JAK2: variants seen among roughly 807,000 people sequenced by gnomAD.
The protein encoded by JAK2 is tyrosine-protein kinase JAK2.
Under a neutral mutation model 139.3 loss-of-function variants are expected in JAK2, and 86 were observed. The observed-to-expected ratio is 0.62, with a 90% CI of 0.52 to 0.74. JAK2 has a LOEUF of 0.74. Ranked by LOEUF, JAK2 falls within the 30% of genes least tolerant of loss-of-function variation. JAK2 has a pLI of 0.00. For missense variants in JAK2, 1,421 were observed against 1,360.3 expected (o/e 1.04, Z -0.70); for synonymous variants, 490 against 437.7 (o/e 1.12, Z -1.49).
intron 4 of JAK2, chr9:5,041,226 C>G (rs906993901): frequency 4.1e-6 from 6 of 1,468,584 alleles, no homozygotes; most frequent in Admixed American, 1.7e-5. Flanking sequence ...GTGGGGCGCC[C>G]GGGGACCAAG....
chr9:5,095,733 TAATC>T (rs1258894819), intron 22 of JAK2, among the ~76,000 whole-genome samples: 4 of 152,192 alleles, frequency 2.6e-5, no homozygotes, highest in Non-Finnish European at 5.9e-5. Flanking sequence ...GAGGAGGACT[TAATC>T]AAACACAATT....
chr9:5,112,367 C>T (rs979270137), intron 22 of JAK2: 2 of 391,158 alleles, frequency 5.1e-6, no homozygotes, highest in South Asian at 5.8e-5. Flanking sequence ...TGGGCTAGGG[C>T]GAGCAGGCCA....
chr9:5,036,921 A>G (rs1395450946), intron 4 of JAK2, among the ~76,000 whole-genome samples: 1 of 152,248 alleles, frequency 6.6e-6, no homozygotes, highest in Middle Eastern at 3.2e-3. Flanking sequence ...CAGAGTGAAC[A>G]GGCAACCTAC....
In JAK2 at chr9:5,069,216, A is replaced by G; in HGVS notation, c.1513+8A>G. ...GTCCCCCAAAGCCAAAAGGTAAGAT[A>G]ATTTTCTAGTTATTTTTAAATTACT... On this transcript the variant is annotated splice_region_variant and intron_variant, in intron 11 of 24. Coordinates refer to ENST00000381652, the MANE Select transcript of JAK2 (RefSeq NM_004972.4). The G allele has an allele frequency of 1.3e-6, 2 of 1,577,340 alleles. No homozygotes were observed. The highest frequency in any genetic ancestry group is 1.7e-6 in the Non-Finnish European group (2 of 1,156,922).
intron 18 of JAK2, among the ~76,000 whole-genome samples, chr9:5,080,896 T>C (rs952148140): frequency 1.1e-4 from 8 of 74,352 alleles, no homozygotes; most frequent in South Asian, 3.8e-4. Context: ...CCTTTTCTTT[T>C]TTTTTTTTTT....
chr9:5,086,693 T>C (rs937937315), intron 19 of JAK2, among the ~76,000 whole-genome samples: 2 of 152,174 alleles, frequency 1.3e-5, no homozygotes, highest in Non-Finnish European at 2.9e-5. Flanking sequence ...ACTTAGAAAA[T>C]TTCCTACCCT....
chr9:5,034,010 G>C (rs2130198650), intron 4 of JAK2, among the ~76,000 whole-genome samples: 1 of 152,238 alleles, frequency 6.6e-6, no homozygotes, highest in South Asian at 2.1e-4. Flanking sequence ...CACGTGCAGA[G>C]ACACACATAG....
At chr9:5,030,301 GAA>G (rs991532981) in intron 4 of JAK2, among the ~76,000 whole-genome samples, 19 of 152,256 alleles carry the variant, frequency 1.2e-4, no homozygotes, top group African/African-American at 4.1e-4. Flanking sequence ...TTGACGTGAA[GAA>G]AAGAGACTTT....
At chr9:5,115,787 A>C (rs1438267394) in intron 22 of JAK2, among the ~76,000 whole-genome samples, 1 of 152,176 alleles carries the variant, frequency 6.6e-6, no homozygotes, top group African/African-American at 2.4e-5. Context: ...TAGAAACCAT[A>C]ATTCTCAGCA....
At chr9:5,029,995 AC>A in intron 4 of JAK2, 89 bp downstream of exon 4, 1 of 1,134,412 alleles carries the variant, frequency 8.8e-7, no homozygotes, top group South Asian at 1.6e-5. Context: ...GGTACTTAAT[AC>A]CAGATACCTG....
intron 19 of JAK2, 83 bp from the exon 20 acceptor site, chr9:5,089,590 AG>A: frequency 2.0e-6 from 1 of 492,538 alleles, no homozygotes; most frequent in Non-Finnish European, 3.3e-6. Flanking sequence ...TCCAGCTACT[AG>A]AATTTTCTAT....
At chr9:5,099,383 G>C (rs185879363) in intron 22 of JAK2, 1 of 152,084 alleles carries the variant, frequency 6.6e-6, no homozygotes, top group East Asian at 1.9e-4. Context: ...GATTGACGGA[G>C]TCTACACCTC....
intron 5 of JAK2, among the ~76,000 whole-genome samples, chr9:5,045,636 C>G (rs948048195): frequency 1.1e-4 from 16 of 152,128 alleles, no homozygotes; most frequent in Non-Finnish European, 1.0e-4. Flanking sequence ...TCTGCCTTTT[C>G]TATGTACCTC....
intron 22 of JAK2, chr9:5,111,553 C>T (rs915513725): frequency 1.1e-5 from 4 of 367,288 alleles, no homozygotes. Flanking sequence ...CCCCCTTCTA[C>T]ATGGCAGATG....
At chr9:5,007,292 T>G (rs1175506718) in intron 2 of JAK2, among the ~76,000 whole-genome samples, 1 of 152,190 alleles carries the variant, frequency 6.6e-6, no homozygotes, top group Non-Finnish European at 1.5e-5. Flanking sequence ...CTCATTTTCA[T>G]TATTGATTCA....
rs1490473645 is a variant in JAK2 at position 5,050,676 on chromosome 9, T to C, written c.469-10T>C. On this transcript the variant is annotated splice_polypyrimidine_tract_variant and intron_variant, in intron 5 of 24. Coordinates refer to ENST00000381652, the MANE Select transcript of JAK2 (RefSeq NM_004972.4). ...ACGATGAGATATTTCCTTCAAATTT[T>C]TGGTTTTAGTGGCGGCATGATTTTG... is the stretch of plus-strand genomic sequence containing the variant. 6.2e-7 allele frequency: 1 copy of C among 1,607,580 alleles called. No individual in the cohort carries two copies. Among genetic ancestry groups the C allele is most frequent in the East Asian group, 2.2e-5 (1 of 44,838 alleles).
At chr9:4,998,242 A>C (rs967161227) in intron 2 of JAK2, among the ~76,000 whole-genome samples, 1 of 152,162 alleles carries the variant, frequency 6.6e-6, no homozygotes. Flanking sequence ...TAAGGGAAAA[A>C]AAACTCCAAC....
intron 5 of JAK2, among the ~76,000 whole-genome samples, chr9:5,045,430 GACCATTTTA>G (rs765287542): frequency 1.3e-5 from 2 of 152,076 alleles, no homozygotes; most frequent in Non-Finnish European, 2.9e-5. Flanking sequence ...TAATAAAAAT[GACCATTTTA>G]ACCATTTTAA....
intron 11 of JAK2, among the ~76,000 whole-genome samples, chr9:5,069,624 T>C (rs549469870): frequency 6.6e-6 from 1 of 152,046 alleles, no homozygotes; most frequent in Non-Finnish European, 1.5e-5. Flanking sequence ...TCCTGAAAAA[T>C]TGTATGAGTT....
Sources: gnomAD v4.1 joint callset for allele counts (sites outside exome capture counted in the v4.1 genomes callset) on GRCh38, gnomAD v4.1.1 for gene constraint, MANE v1.5 for transcripts, NCBI Gene and HGNC (gene_info 2026-07-23, HGNC 2026-07-21) for gene names.